RAD52: variants seen among roughly 807,000 people sequenced by gnomAD.
RAD52 encodes the protein RAD52 DNA repair protein.
A neutral mutation model predicts 55.5 loss-of-function variants in RAD52; 47 were observed. The ratio of observed to expected loss-of-function variants is 0.85; its 90% CI spans 0.67 to 1.08. RAD52 has a LOEUF of 1.08. Among genes scored for constraint, RAD52 ranks in the 50% least tolerant of loss-of-function variants. The pLI is 0.00. For synonymous variants in RAD52, 184 were observed against 198.9 expected (o/e 0.92, Z 0.63); for missense variants, 468 against 522.8 (o/e 0.90, Z 1.02).
chr12:971,948 C>T (rs1026301797), intron 1 of RAD52, among the ~76,000 whole-genome samples: 1 of 152,092 alleles, frequency 6.6e-6, no homozygotes, highest in Non-Finnish European at 1.5e-5. Flanking sequence ...CGGGGTTTCA[C>T]CGTGTTAGCC....
intron 7 of RAD52, among the ~76,000 whole-genome samples, chr12:919,011 A>G (rs1345489425): frequency 1.3e-5 from 2 of 152,212 alleles, no homozygotes; most frequent in Admixed American, 6.5e-5. Context: ...AAAAACAGGA[A>G]AAAATAATCC....
chr12:963,374 GA>G (rs1958713669), intron 1 of RAD52, among the ~76,000 whole-genome samples: 2 of 152,092 alleles, frequency 1.3e-5, no homozygotes, highest in African/African-American at 4.8e-5. Context: ...AATAGAGCAA[GA>G]AACAAAACAA....
At chr12:979,446 G>T (rs1327274281) in intron 1 of RAD52, among the ~76,000 whole-genome samples, 1 of 144,292 alleles carries the variant, frequency 6.9e-6, no homozygotes, top group African/African-American at 2.5e-5. Context: ...CTCACGAAAA[G>T]AAAAAAAAAA....
intron 1 of RAD52, among the ~76,000 whole-genome samples, chr12:938,520 CTAAAAATA>C: frequency 6.6e-6 from 1 of 152,158 alleles, no homozygotes; most frequent in Non-Finnish European, 1.5e-5. Context: ...CCCGTCTCTA[CTAAAAATA>C]TAAAAAGTAG....
At chr12:942,644 G>A (rs1957980152) in intron 1 of RAD52, among the ~76,000 whole-genome samples, 2 of 152,024 alleles carry the variant, frequency 1.3e-5, no homozygotes, top group Admixed American at 1.3e-4. Flanking sequence ...CTACTCGGGA[G>A]GCTGGGGCAG....
chr12:946,705 G>A (rs1958247060), intron 1 of RAD52, among the ~76,000 whole-genome samples: 1 of 152,144 alleles, frequency 6.6e-6, no homozygotes, highest in South Asian at 2.1e-4. Context: ...TACGTATACA[G>A]CCAAAATAAC....
chr12:961,143 G>A (rs980933690), intron 1 of RAD52, among the ~76,000 whole-genome samples: 19 of 151,250 alleles, frequency 1.3e-4, no homozygotes, highest in African/African-American at 3.6e-4. Context: ...GTGAAACCCC[G>A]TACTAAAAGT....
At chr12:987,491 A>T (rs1390811631) in intron 1 of RAD52, among the ~76,000 whole-genome samples, 4 of 150,560 alleles carry the variant, frequency 2.7e-5, no homozygotes, top group African/African-American at 9.8e-5. Flanking sequence ...ACATAATATT[A>T]GTCCTGTTGA....
At chr12:955,853 T>C (rs1459949697) in intron 1 of RAD52, among the ~76,000 whole-genome samples, 2 of 152,092 alleles carry the variant, frequency 1.3e-5, no homozygotes, top group Non-Finnish European at 2.9e-5. Flanking sequence ...CCATCTCGGC[T>C]CACTGCAACC....
chr12:916,845 T>C, intron 7 of RAD52, 25 bp from the exon 8 acceptor site: 1 of 1,586,364 alleles, frequency 6.3e-7, no homozygotes. Context: ...GAAAAACAAA[T>C]TCCTTCAACT....
At chr12:988,971 CA>C (rs1959129540) in intron 1 of RAD52, among the ~76,000 whole-genome samples, 1 of 151,876 alleles carries the variant, frequency 6.6e-6, no homozygotes, top group Admixed American at 6.6e-5. Context: ...TGCCCAACTA[CA>C]CTTTAAAGTG....
At chr12:928,167 T>C (rs1957140728) in intron 5 of RAD52, among the ~76,000 whole-genome samples, 1 of 152,208 alleles carries the variant, frequency 6.6e-6, no homozygotes, top group Non-Finnish European at 1.5e-5. Context: ...GATTTTTTAG[T>C]ACTATTTAGA....
At chr12:977,301 G>A (rs1417561120) in intron 1 of RAD52, among the ~76,000 whole-genome samples, 1 of 152,170 alleles carries the variant, frequency 6.6e-6, no homozygotes. Flanking sequence ...TCTGGGAGGG[G>A]CACATGTGCC....
intron 7 of RAD52, among the ~76,000 whole-genome samples, chr12:920,457 T>A (rs999695847): frequency 6.7e-6 from 1 of 148,696 alleles, no homozygotes; most frequent in Non-Finnish European, 1.5e-5. Context: ...CTCAGGAGGC[T>A]GAGGCAGGAG....
intron 1 of RAD52, among the ~76,000 whole-genome samples, chr12:986,574 G>T (rs1225204559): frequency 3.3e-5 from 5 of 151,534 alleles, no homozygotes; most frequent in African/African-American, 1.2e-4. Flanking sequence ...TGTGTTGTCT[G>T]GGGTGGTCTC....
intron 1 of RAD52, among the ~76,000 whole-genome samples, chr12:961,336 C>T (rs570233726): frequency 2.1e-3 from 212 of 102,876 alleles, no homozygotes; most frequent in Non-Finnish European, 3.2e-3. Context: ...AAAAAAAGGG[C>T]CAGTGAGGTA....
intron 1 of RAD52, among the ~76,000 whole-genome samples, chr12:956,967 T>A (rs1004628197): frequency 2.6e-5 from 4 of 152,180 alleles, no homozygotes; most frequent in Admixed American, 2.0e-4. Flanking sequence ...TATCTGACAT[T>A]TAATAGATGT....
chr12:931,404 T>C (rs1451311525), intron 2 of RAD52, 83 bp from the exon 3 acceptor site: 2 of 1,069,810 alleles, frequency 1.9e-6, no homozygotes, highest in East Asian at 2.6e-5. Flanking sequence ...GGAGACTTTA[T>C]ACTCTTAAAA....
intron 1 of RAD52, chr12:974,223 A>G (rs1280665508): frequency 1.3e-5 from 2 of 152,150 alleles, no homozygotes; most frequent in Non-Finnish European, 2.9e-5. Context: ...TGCCTCAGCC[A>G]TATTCCTTGC....
Sources: gnomAD v4.1 joint callset for allele counts (sites outside exome capture counted in the v4.1 genomes callset) on GRCh38, gnomAD v4.1.1 for gene constraint, MANE v1.5 for transcripts, NCBI Gene and HGNC (gene_info 2026-07-23, HGNC 2026-07-21) for gene names.